Variants in RNF213 observed in about 807,000 individuals in gnomAD.
RNF213 encodes the protein ring finger protein 213, also known as E3 ubiquitin-protein ligase RNF213.
In RNF213, 341 loss-of-function variants were observed where a neutral mutation model predicts 514.4. The observed-to-expected ratio is 0.66, with a 90% CI of 0.61 to 0.73. The LOEUF is 0.73. RNF213 is among the 30% of genes least tolerant of loss of function. The pLI is 0.00. For synonymous variants in RNF213, 2,655 were observed against 2,658.2 expected (o/e 1.00, Z 0.04); for missense variants, 5,767 against 6,615.6 (o/e 0.87, Z 4.45).
Position 80,347,267 on chromosome 17 carries a change from G to A in RNF213, c.8932G>A (p.Asp2978Asn). ...KASNRKPSPQDIAQAVLRNFS... is the reference protein window; with the variant it reads ...KASNRKPSPQNIAQAVLRNFS... ...TTCAAATAGAAAGCCTTCCCCGCAA[G>A]ACATTGCACAGGCTGTCCTTAGGAA... is the stretch of plus-strand genomic sequence containing the variant. Residue 2978 changes from aspartate (D) to asparagine (N), a missense_variant, in exon 29 of 68, where the codon GAC (aspartate) becomes AAC (asparagine). Physicochemically the swap from Asp to Asn is conservative, Grantham distance 23. Coordinates refer to ENST00000582970, the MANE Select transcript of RNF213 (RefSeq NM_001256071.3). The surrounding 1 kb of genome is among the most constrained non-coding windows in gnomAD (Gnocchi z 7.2). 1 of 1,613,734 alleles carries A rather than the reference G, an allele frequency of 6.2e-7. No homozygotes were observed. The highest frequency in any genetic ancestry group is 8.5e-7 in the Non-Finnish European group (1 of 1,179,894).
intron 51 of RNF213, 37 bp from the exon 52 acceptor site, chr17:80,376,260 ATTCT>A: frequency 6.2e-7 from 1 of 1,611,406 alleles, no homozygotes; most frequent in Non-Finnish European, 8.5e-7. Context: ...TTCACACAAT[ATTCT>A]TTGATACATC....
At chr17:80,352,617 CACTA>C (rs1286444594) in intron 32 of RNF213, 6 of 588,918 alleles carry the variant, frequency 1.0e-5, no homozygotes, top group Non-Finnish European at 1.8e-5. Context: ...CCCCACCCCT[CACTA>C]ACTGTGATAC....
At chr17:80,299,407 C>G (rs919043497) in intron 11 of RNF213, among the ~76,000 whole-genome samples, 2 of 152,104 alleles carry the variant, frequency 1.3e-5, no homozygotes, top group African/African-American at 4.8e-5. Context: ...ATTGTGAACT[C>G]TAAACCATTT....
In RNF213 at chr17:80,346,005, G is replaced by T; in HGVS notation, c.7670G>T (p.Gly2557Val). The stretch of plus-strand genomic sequence containing the variant: ...ATGGAGGAGACGGCCGACAGGCTGG[G>T]CTCCATTCCTCTGAGGCAGCTGGTA... ...VSMEETADRL[G>V]SIPLRQLVYR... The change falls in exon 29 of 68, where the codon GGC (glycine) becomes GTC (valine). Residue 2557 changes from glycine (G) to valine (V), a missense_variant. By Grantham distance (109) the Gly-to-Val change is moderately radical. Around this residue, in one of 13 missense-constraint regions of RNF213, gnomAD observed 1,377 missense variants for 1,635.2 expected, o/e 0.84. Transcript: ENST00000582970. The surrounding 1 kb of genome is among the most constrained non-coding windows in gnomAD (Gnocchi z 8.1). 6.2e-7 allele frequency: 1 copy of T among 1,614,172 alleles called. No individual in the cohort carries two copies. Among genetic ancestry groups the T allele is most frequent in the Non-Finnish European group, 8.5e-7 (1 of 1,180,036 alleles).
chr17:80,306,052 G>A (rs1311034222), intron 11 of RNF213, among the ~76,000 whole-genome samples, 200 bp from the exon 12 acceptor site: 2 of 151,820 alleles, frequency 1.3e-5, no homozygotes, highest in African/African-American at 2.4e-5. Flanking sequence ...CTGGTTTCAA[G>A]CTCCTGGGCT....
Position 80,353,942 on chromosome 17 carries a change from C to A in RNF213, c.10579-77C>A. On this transcript the variant is annotated intron_variant, in intron 34 of 67. Transcript: ENST00000582970. The surrounding 1 kb of genome is among the most constrained non-coding windows in gnomAD (Gnocchi z 5.0). ...GTGCTGTTTGCTGCATTGAGACCCT[C>A]ATCGCATACGGGCGGTTTGGCTTTT... is the stretch of plus-strand genomic sequence containing the variant. 6.3e-7 allele frequency: 1 copy of A among 1,577,910 alleles called. No homozygotes were observed. The highest frequency in any genetic ancestry group is 8.7e-7 in the Non-Finnish European group (1 of 1,150,966).
At chr17:80,292,244 C>G (rs1206264029) in intron 8 of RNF213, among the ~76,000 whole-genome samples, 1 of 152,122 alleles carries the variant, frequency 6.6e-6, no homozygotes, top group African/African-American at 2.4e-5. Flanking sequence ...GTCACCACCC[C>G]CAGCTAACTT....
At chr17:80,360,294 T>C (rs1432559220) in intron 38 of RNF213, 88 bp downstream of exon 38, 426 of 1,446,026 alleles carry the variant, frequency 2.9e-4, no homozygotes, top group Non-Finnish European at 5.0e-5. Context: ...GTGGCTAGAA[T>C]TGCAAGGTGA....
Position 80,349,895 on chromosome 17 carries a change from C to T in RNF213, c.10077C>T (p.Leu3359=), listed in dbSNP as rs749462254. ...AGTTTGACACCGAGTACTCATTCCT[C>T]AAAGAAGTCCGGTGAGGTTCCCTGC... ...LQQFDTEYSF[L]KEVRNCLTNT... Residue 3359 remains leucine, a synonymous_variant, in exon 30 of 68, where the codon CTC becomes CTT. Coordinates refer to ENST00000582970, the MANE Select transcript of RNF213 (RefSeq NM_001256071.3). 68 of 1,613,510 alleles carry T rather than the reference C, an allele frequency of 4.2e-5. No individual in the cohort carries two copies. Among genetic ancestry groups the T allele is most frequent in the Non-Finnish European group, 3.4e-6 (4 of 1,179,962 alleles).
intron 63 of RNF213, among the ~76,000 whole-genome samples, chr17:80,387,587 T>A (rs1346812531): frequency 6.6e-6 from 1 of 152,178 alleles, no homozygotes; most frequent in East Asian, 1.9e-4. Context: ...TGCTAGCCAC[T>A]CCTAACTGGT....
intron 13 of RNF213, among the ~76,000 whole-genome samples, 161 bp downstream of exon 13, chr17:80,307,362 G>GTTTTTTTT (rs58826434): frequency 1.8e-5 from 2 of 113,718 alleles, no homozygotes; most frequent in African/African-American, 3.5e-5. Context: ...ATTGTCGTCT[G>GTTTTTTTT]TTTTTTTTTT....
In RNF213 at chr17:80,377,819, G is replaced by C; in HGVS notation, c.13545+23G>C. 6.2e-7 allele frequency: 1 copy of C among 1,614,022 alleles called. No homozygotes were observed. The highest frequency in any genetic ancestry group is 2.2e-5 in the East Asian group (1 of 44,880). On this transcript the variant is annotated intron_variant, in intron 54 of 67. Transcript: ENST00000582970. This position sits in a 1 kb window ranked among gnomAD's most constrained non-coding sequence, Gnocchi z 4.1. ...GAGGTGAGTCTTGGTATTTAAGATA[G>C]GGTTTGAGGGGTGGCGTGCACTCCT... is the stretch of plus-strand genomic sequence containing the variant.
At position 80,395,267 on chromosome 17, in the gene RNF213, A is replaced by T. The variant is rs2144696091; in HGVS notation, c.*1769A>T. 6.6e-6 allele frequency: 1 copy of T among 151,696 alleles called. No homozygotes were observed. The highest frequency in any genetic ancestry group is 2.1e-4 in the South Asian group (1 of 4,792). 9.4% of individuals were successfully genotyped at this position (151,696 alleles called of 1,614,324 possible). Reference sequence around the variant, plus strand: ...AAAAAAAAAAAATGAATTTTATTTTACTTGTCACACCTGTCTTAATAAACT... The same window carrying T: ...AAAAAAAAAAAATGAATTTTATTTTTCTTGTCACACCTGTCTTAATAAACT... On this transcript the variant is annotated 3_prime_UTR_variant, in exon 68 of 68. Transcript: ENST00000582970.
intron 60 of RNF213, 93 bp from the exon 61 acceptor site, chr17:80,385,445 A>G: frequency 5.2e-6 from 6 of 1,150,964 alleles, no homozygotes; most frequent in Non-Finnish European, 7.8e-6. Flanking sequence ...AAAGCAGGAA[A>G]GATGGGCTCT....
At chr17:80,278,987 C>A in intron 3 of RNF213, 1 of 1,513,248 alleles carries the variant, frequency 6.6e-7, no homozygotes, top group Non-Finnish European at 8.9e-7. Context: ...GGCCACCTCG[C>A]ACTTCCGGCC....
In RNF213 at chr17:80,288,750, T is replaced by G; in HGVS notation, c.928T>G (p.Cys310Gly). The change falls in exon 5 of 68, where the codon TGC becomes GGC. Residue 310 changes from cysteine to glycine, a missense_variant. Physicochemically the swap from Cys to Gly is radical, Grantham distance 159. Coordinates refer to ENST00000582970, the MANE Select transcript of RNF213 (RefSeq NM_001256071.3). The surrounding 1 kb of genome is among the most constrained non-coding windows in gnomAD (Gnocchi z 4.9). ...PATTPPFKTH[C>G]QEAETKTKDE... ...AACCACTCCTCCTTTCAAAACACAC[T>G]GCCAGGTGCGTCTCCTTCCTGCCTG... 1 of 1,614,158 alleles carries G rather than the reference T, an allele frequency of 6.2e-7. No homozygotes were observed. The highest frequency in any genetic ancestry group is 8.5e-7 in the Non-Finnish European group (1 of 1,180,040).
rs779148717 is a variant in RNF213 at position 80,289,753 on chromosome 17, A to C, written c.1028A>C (p.Glu343Ala). 5.3e-5 allele frequency: 86 copies of C among 1,613,938 alleles called. No homozygotes were observed. The highest frequency in any genetic ancestry group is 6.7e-5 in the Non-Finnish European group (79 of 1,180,022). The part of the protein sequence containing the change: ...QGEPEDLKKP[E>A]GKNRSAAAVK... The stretch of plus-strand genomic sequence containing the variant: ...GAGCCTGAAGACCTCAAGAAGCCAG[A>C]GGGGAAGAACAGAAGTGCAGCTGCT... Residue 343 changes from glutamate to alanine, a missense_variant, in exon 6 of 68, where the codon GAG (glutamate) becomes GCG (alanine). Glu to Ala is a moderately radical substitution (Grantham distance 107). Transcript: ENST00000582970.
At chr17:80,290,442 T>C (rs550074148) in intron 6 of RNF213, 128 bp from the exon 7 acceptor site, 85 of 1,118,662 alleles carry the variant, frequency 7.6e-5, no homozygotes, top group Middle Eastern at 5.7e-4. Flanking sequence ...CGTGTGTGCA[T>C]GTGTGTGTGC....
intron 14 of RNF213, among the ~76,000 whole-genome samples, chr17:80,310,468 G>T (rs1598980772): frequency 1.3e-5 from 2 of 151,884 alleles, no homozygotes; most frequent in East Asian, 3.9e-4. Context: ...GGCCAAGCTG[G>T]TCTCAAACGC....
Sources: gnomAD v4.1 joint callset for allele counts (sites outside exome capture counted in the v4.1 genomes callset) on GRCh38, gnomAD v4.1.1 for gene constraint, gnomAD v4.1.1 regional missense constraint, Gnocchi (gnomAD v3.1) non-coding constraint, MANE v1.5 for transcripts, NCBI Gene and HGNC (gene_info 2026-07-23, HGNC 2026-07-21) for gene names.